The following ACTN3 variants were observed in gnomAD, a reference collection of about 807,000 sequenced individuals.
The protein encoded by ACTN3 is alpha-actinin-3.
In ACTN3, 91 loss-of-function variants were observed where a neutral mutation model predicts 119.6. The ratio of observed to expected loss-of-function variants is 0.76; its 90% CI spans 0.64 to 0.91. The LOEUF (loss-of-function observed/expected upper bound fraction) is 0.91, where lower values mean the gene tolerates loss of function less well. ACTN3 is among the 40% of genes least tolerant of loss of function. ACTN3 has a pLI of 0.00. For synonymous variants in ACTN3, 456 were observed against 478.8 expected (o/e 0.95, Z 0.62); for missense variants, 1,221 against 1,215.1 (o/e 1.00, Z -0.07).
At chr11:66,548,048 C>G (rs1222870882) in intron 1 of ACTN3, among the ~76,000 whole-genome samples, 2 of 152,186 alleles carry the variant, frequency 1.3e-5, no homozygotes, top group Non-Finnish European at 2.9e-5. Flanking sequence ...TTGGACCCTG[C>G]TCAGCGTGTG....
intron 5 of ACTN3, among the ~76,000 whole-genome samples, chr11:66,554,917 C>T (rs137992441): frequency 7.6e-4 from 115 of 152,216 alleles, no homozygotes; most frequent in African/African-American, 2.6e-3. Context: ...AGAAACTGGT[C>T]GGGCCTAAGC....
Position 66,557,156 on chromosome 11 carries a change from C to T in ACTN3, c.828C>T (p.Ile276=). 1 of 1,553,200 alleles carries T rather than the reference C, an allele frequency of 6.4e-7. No homozygotes were observed. The highest frequency in any genetic ancestry group is 8.7e-7 in the Non-Finnish European group (1 of 1,147,854). The change falls in exon 9 of 21, where the codon ATC becomes ATT. Residue 276 remains isoleucine, a synonymous_variant. Coordinates refer to ENST00000513398, the MANE Select transcript of ACTN3 (RefSeq NM_001104.4). ...AEQAETAANR[I]CKVLAVNQEN... is the part of the protein sequence containing the mutation. ...AGGCAGAGACAGCTGCCAACAGGAT[C>T]TGCAAGGTGCTGGCAGTGAACCAGG...
chr11:66,546,446 G>C (rs1263742866), upstream of ACTN3: 3 of 1,271,648 alleles, frequency 2.4e-6, no homozygotes, highest in Admixed American at 2.4e-5. Context: ...CCCCATGCCC[G>C]GGTGTCTCCA....
rs1373230066 is a variant in ACTN3, at chr11:66,559,957, C to T, written c.1428-11C>T. 1.3e-6 allele frequency: 2 copies of T among 1,583,178 alleles called. No individual in the cohort carries two copies. The highest frequency in any genetic ancestry group is 1.8e-5 in the Admixed American group (1 of 55,828). On this transcript the variant is annotated splice_polypyrimidine_tract_variant and intron_variant, in intron 12 of 20. Coordinates refer to ENST00000513398, the MANE Select transcript of ACTN3 (RefSeq NM_001104.4). ...GGCTGGCCCCACACTCGCCCTACTT[C>T]TCGCTCCCAGTGAGCTGGACTACCA...
At chr11:66,549,183 CAAGT>C in intron 1 of ACTN3, among the ~76,000 whole-genome samples, 1 of 152,338 alleles carries the variant, frequency 6.6e-6, no homozygotes, top group Middle Eastern at 3.4e-3. Context: ...ACAAATGTAG[CAAGT>C]GTTTCTCACA....
intron 2 of ACTN3, 85 bp downstream of exon 2, chr11:66,551,438 C>T (rs532240945): frequency 1.1e-5 from 18 of 1,565,770 alleles, no homozygotes; most frequent in South Asian, 3.5e-5. Flanking sequence ...GAGTGTTGGA[C>T]GGGACTTGGT....
rs749829838 is a variant in ACTN3, at chr11:66,563,075, C to G, written c.2588C>G (p.Ala863Gly). 1.2e-6 allele frequency: 2 copies of G among 1,612,982 alleles called. No homozygotes were observed. Among genetic ancestry groups the G allele is most frequent in the South Asian group, 1.1e-5 (1 of 91,042 alleles). Residue 863 changes from alanine to glycine, a missense_variant, in exon 21 of 21, where the codon GCC becomes GGC. By Grantham distance (60) the Ala-to-Gly change is moderately conservative. This residue lies in a region of ACTN3 where 934 missense variants were observed against 899.9 expected (regional missense o/e 1.04). Coordinates refer to ENST00000513398, the MANE Select transcript of ACTN3 (RefSeq NM_001104.4). Reference protein sequence around the residue: ...TPEELRRELPAKQAEYCIRRM... With the variant: ...TPEELRRELPGKQAEYCIRRM... ...GAGGAGCTGCGGCGCGAGCTCCCTG[C>G]CAAGCAGGCCGAGTACTGCATCCGC...
At chr11:66,547,544 G>T (rs557014218) in intron 1 of ACTN3, among the ~76,000 whole-genome samples, 62 of 152,188 alleles carry the variant, frequency 4.1e-4, no homozygotes, top group Non-Finnish European at 8.2e-4. Flanking sequence ...TCCAGGGTGG[G>T]GTCCATAGTC....
At chr11:66,547,148 G>C in intron 1 of ACTN3, 64 bp downstream of exon 1, 1 of 1,441,446 alleles carries the variant, frequency 6.9e-7, no homozygotes, top group East Asian at 2.5e-5. Context: ...GTTTGTCCTG[G>C]GCATCTCAGC....
intron 12 of ACTN3, 38 bp downstream of exon 12, chr11:66,559,424 C>T (rs1430927412): frequency 1.4e-6 from 2 of 1,426,428 alleles, no homozygotes; most frequent in South Asian, 1.5e-5. Flanking sequence ...CCAACACCCC[C>T]GGCCCCGCCC....
At position 66,554,606 on chromosome 11, in the gene ACTN3, G is replaced by A. The variant is rs766991002; in HGVS notation, c.540G>A (p.Val180=). ...RKTAPYRNVN[V]QNFHTSWKDG... ...CAGCACCGTACCGCAACGTCAACGT[G>A]CAGAACTTCCACACCAGGTCTGTCA... The change falls in exon 5 of 21, where the codon GTG becomes GTA. Residue 180 remains valine, a synonymous_variant. Coordinates refer to ENST00000513398, the MANE Select transcript of ACTN3 (RefSeq NM_001104.4). 3.7e-6 allele frequency: 6 copies of A among 1,612,040 alleles called. No individual in the cohort carries two copies. In the Admixed American group the frequency reaches 5.0e-5, roughly 13 times the overall value.
intron 12 of ACTN3, among the ~76,000 whole-genome samples, chr11:66,559,678 C>G (rs1237552326): frequency 6.6e-6 from 1 of 152,014 alleles, no homozygotes; most frequent in African/African-American, 2.4e-5. Context: ...AAACCCTCCC[C>G]ATCAGCCTTG....
chr11:66,559,985 A>T lies in ACTN3; in HGVS notation c.1445A>T (p.Glu482Val). The T allele has an allele frequency of 6.3e-7, 1 of 1,598,902 alleles. No homozygotes were observed. The change falls in exon 13 of 21, where the codon GAG (glutamate) becomes GTG (valine). Residue 482 changes from glutamate to valine, a missense_variant. Physicochemically the swap from Glu to Val is moderately radical, Grantham distance 121 (BLOSUM62 -2). Coordinates refer to ENST00000513398, the MANE Select transcript of ACTN3 (RefSeq NM_001104.4). ...AQELNELDYH[E>V]AASVNSRCQA... is the part of the protein sequence containing the mutation. ...GCTCCCAGTGAGCTGGACTACCACG[A>T]GGCAGCCTCAGTGAATAGCCGCTGC...
In ACTN3 at chr11:66,547,006, C is replaced by T. The variant is rs755470602; in HGVS notation, c.69C>T (p.Gly23=). The change falls in exon 1 of 21, where the codon GGC becomes GGT. Residue 23 remains glycine (G), a synonymous_variant. Transcript: ENST00000513398. The part of the protein sequence containing the change: ...GEGRFAGGGG[G]GEYMEQEEDW... ...GGCGCTTTGCGGGCGGCGGCGGGGG[C>T]GGCGAGTACATGGAACAGGAGGAGG... The T allele has an allele frequency of 1.3e-6, 2 of 1,522,136 alleles. No homozygotes were observed. The highest frequency in any genetic ancestry group is 1.8e-6 in the Non-Finnish European group (2 of 1,139,140). 94.3% of individuals were successfully genotyped at this position (1,522,136 alleles called of 1,614,324 possible).
chr11:66,546,689 C>G (rs1267816149), upstream of ACTN3: 8 of 1,533,100 alleles, frequency 5.2e-6, no homozygotes, highest in Non-Finnish European at 7.0e-6. Flanking sequence ...AGCGCCCCAG[C>G]AGCGGAGCAG....
At chr11:66,559,927 G>A in intron 12 of ACTN3, 41 bp from the exon 13 acceptor site, 1 of 1,544,784 alleles carries the variant, frequency 6.5e-7, no homozygotes, top group African/African-American at 1.4e-5. Flanking sequence ...GGACATCTGG[G>A]CTGGGGCTGG....
chr11:66,547,715 A>G (rs1316013718), intron 1 of ACTN3, among the ~76,000 whole-genome samples: 1 of 152,082 alleles, frequency 6.6e-6, no homozygotes, highest in Non-Finnish European at 1.5e-5. Flanking sequence ...TGGGGCCCTG[A>G]GTCTGCTGAA....
In ACTN3 at chr11:66,551,537, T is replaced by C. The variant is rs1176778136; in HGVS notation, c.272T>C (p.Leu91Pro). 6.2e-7 allele frequency: 1 copy of C among 1,613,882 alleles called. No individual in the cohort carries two copies. The highest frequency in any genetic ancestry group is 1.1e-5 in the South Asian group (1 of 91,048). Residue 91 changes from leucine (L) to proline (P), a missense_variant, in exon 3 of 21, where the codon CTG (leucine) becomes CCG (proline). By Grantham distance (98) the Leu-to-Pro change is moderately conservative. Around this residue, in one of 3 missense-constraint regions of ACTN3, gnomAD observed 239 missense variants for 231.8 expected, o/e 1.03. Coordinates refer to ENST00000513398, the MANE Select transcript of ACTN3 (RefSeq NM_001104.4). ...LLLEVISGER[L>P]PRPDKGKMRF... The stretch of plus-strand genomic sequence containing the variant: ...CTCCTCTTAAACCCAGGTGAGAGGC[T>C]GCCTAGGCCAGATAAAGGCAAGATG...
At chr11:66,553,968 A>C in intron 3 of ACTN3, 77 bp from the exon 4 acceptor site, 1 of 1,268,548 alleles carries the variant, frequency 7.9e-7, no homozygotes, top group South Asian at 1.3e-5. Context: ...GGCTGATCAG[A>C]GGGGAAGGTA....
Sources: allele counts gnomAD v4.1 joint callset (sites outside exome capture counted in the v4.1 genomes callset), GRCh38; gene constraint gnomAD v4.1.1; regional missense constraint gnomAD v4.1.1; transcripts MANE v1.5; gene names NCBI Gene and HGNC (gene_info 2026-07-23, HGNC 2026-07-21).